The following APC2 variants were observed in gnomAD, a reference collection of about 807,000 sequenced individuals.
APC2 encodes the protein APC regulator of Wnt signaling pathway 2.
A neutral mutation model predicts 72.5 loss-of-function variants in APC2; 41 were observed. The ratio of observed to expected loss-of-function variants is 0.57; its 90% CI spans 0.44 to 0.73. APC2 has a LOEUF of 0.73. Ranked by LOEUF, APC2 falls within the 30% of genes least tolerant of loss-of-function variation. The pLI, the probability that APC2 is intolerant of heterozygous loss-of-function variation, is 0.00. For missense variants in APC2, 3,729 were observed against 3,403.4 expected (o/e 1.10, Z -2.38); for synonymous variants, 1,898 against 1,612.0 (o/e 1.18, Z -4.25).
In APC2 at chr19:1,469,950, G is replaced by A. The variant is rs778823095; in HGVS notation, c.6649G>A (p.Ala2217Thr). 2.0e-6 allele frequency: 3 copies of A among 1,511,438 alleles called. No homozygotes were observed. The highest frequency in any genetic ancestry group is 2.5e-5 in the South Asian group (2 of 81,526). The allele number at this position is 1,511,438 out of a possible 1,614,324, so 93.6% of individuals were successfully genotyped here. A position where few individuals can be genotyped will look rare whatever the true frequency, so the allele number is the denominator to read the frequency against. ...PSLETREPPG[A>T]PAGGQLSLLG... The stretch of plus-strand genomic sequence containing the variant: ...CCTGGAGACCAGGGAGCCCCCCGGG[G>A]CCCCCGCCGGCGGCCAGCTCTCCCT... The change falls in exon 15 of 15, where the codon GCC becomes ACC. Residue 2217 changes from alanine (A) to threonine (T), a missense_variant. Coordinates refer to ENST00000590469, the MANE Select transcript of APC2 (RefSeq NM_005883.3).
upstream of APC2, among the ~76,000 whole-genome samples, chr19:1,446,575 G>T (rs897203042): frequency 1.3e-5 from 2 of 151,796 alleles, no homozygotes; most frequent in African/African-American, 4.8e-5. The surrounding 1 kb of genome is among the most constrained non-coding windows in gnomAD (Gnocchi z 6.1). Flanking sequence ...CCCCAGCCCC[G>T]GGTCTGCGCA....
At position 1,466,558 on chromosome 19, in the gene APC2, A is replaced by G. The variant is rs2084019395; in HGVS notation, c.3257A>G (p.Glu1086Gly). The change falls in exon 15 of 15, where the codon GAG becomes GGG. Residue 1086 changes from glutamate to glycine, a missense_variant. Glu to Gly is a moderately conservative substitution (Grantham distance 98). Transcript: ENST00000590469. ...TCGGCCGGCCGCCCAGGCCCCAGCGAGGGTGGTGACCTGGATGACAGTGAC... is the reference window on the plus strand; with the variant it reads ...TCGGCCGGCCGCCCAGGCCCCAGCGGGGGTGGTGACCTGGATGACAGTGAC... Reference protein sequence around the residue: ...LSSAGRPGPSEGGDLDDSDSS... With the variant: ...LSSAGRPGPSGGGDLDDSDSS... The G allele has an allele frequency of 6.3e-7, 1 of 1,582,004 alleles. No individual in the cohort carries two copies. Among genetic ancestry groups the G allele is most frequent in the East Asian group, 2.3e-5 (1 of 44,048 alleles).
rs166452 is a variant in APC2 at position 1,469,531 on chromosome 19, C to G, written c.6230C>G (p.Thr2077Ser). 0.073 allele frequency: 87,363 copies of G among 1,189,046 alleles called. 10,524 individuals carry two copies. Among genetic ancestry groups the G allele is most frequent in the African/African-American group, 0.54 (32,411 of 60,564 alleles). The allele number at this position is 1,189,046 out of a possible 1,614,324, so 73.7% of individuals were successfully genotyped here. The change falls in exon 15 of 15, where the codon ACC becomes AGC. Residue 2077 changes from threonine (T) to serine (S), a missense_variant. Coordinates refer to ENST00000590469, the MANE Select transcript of APC2 (RefSeq NM_005883.3). ...SPGERPARRT[T>S]SESPSRLPVR... is the part of the protein sequence containing the mutation. ...GGCGAGCGCCCTGCCCGGCGCACCA[C>G]CTCCGAGAGCCCGTCCCGCCTGCCT...
chr19:1,456,192 C>G (rs759232120), intron 7 of APC2, 39 bp downstream of exon 7: 2 of 1,559,032 alleles, frequency 1.3e-6, no homozygotes, highest in Admixed American at 1.9e-5. Flanking sequence ...GGGGTGGTGT[C>G]GGCCCAGGCA....
At position 1,466,253 on chromosome 19, in the gene APC2, C is replaced by G. The variant is rs10413634; in HGVS notation, c.2952C>G (p.Thr984=). 6.5e-7 allele frequency: 1 copy of G among 1,533,476 alleles called. No individual in the cohort carries two copies. The highest frequency in any genetic ancestry group is 1.2e-5 in the South Asian group (1 of 83,008). 95.0% of individuals were successfully genotyped at this position (1,533,476 alleles called of 1,614,324 possible). Residue 984 remains threonine (T), a synonymous_variant, in exon 15 of 15, where the codon ACC becomes ACG. Transcript: ENST00000590469. ...CQAEPPAREA[T]SADARVRTIK... ...CCGAGCCCCCGGCCCGCGAGGCCAC[C>G]TCCGCCGACGCCCGCGTGCGCACCA...
rs771184037 is a variant in APC2, at chr19:1,468,592, G to A, written c.5291G>A (p.Ser1764Asn). The part of the protein sequence containing the change: ...RGAASVKTSG[S>N]PRSPAGPEKP... ...GCAGCCTCAGTCAAGACCAGCGGGA[G>A]CCCCCGTTCCCCTGCAGGCCCCGAG... Residue 1764 changes from serine (S) to asparagine (N), a missense_variant, in exon 15 of 15, where the codon AGC becomes AAC. Physicochemically the swap from Ser to Asn is conservative, Grantham distance 46. Transcript: ENST00000590469. 29 of 1,599,988 alleles carry A rather than the reference G, an allele frequency of 1.8e-5. No homozygotes were observed. Among genetic ancestry groups the A allele is most frequent in the Non-Finnish European group, 2.4e-5 (28 of 1,171,612 alleles).
rs1188154676 is a variant in APC2 at position 1,467,689 on chromosome 19, C to T, written c.4388C>T (p.Ala1463Val). ...TCTCGGGGCGCGGGCAAGAACAGAG[C>T]AGGGCTGGAGCTGCCCCTGGGCCGG... is the stretch of plus-strand genomic sequence containing the variant. ...EQSRGAGKNRAGLELPLGRPP... is the reference protein window; with the variant it reads ...EQSRGAGKNRVGLELPLGRPP... Residue 1463 changes from alanine to valine, a missense_variant, in exon 15 of 15, where the codon GCA becomes GTA. Transcript: ENST00000590469. The T allele has an allele frequency of 6.8e-7, 1 of 1,470,744 alleles. No individual in the cohort carries two copies. The highest frequency in any genetic ancestry group is 8.9e-7 in the Non-Finnish European group (1 of 1,119,310). 91.1% of individuals were successfully genotyped at this position (1,470,744 alleles called of 1,614,324 possible). A position where few individuals can be genotyped will look rare whatever the true frequency, so the allele number is the denominator to read the frequency against.
Position 1,465,647 on chromosome 19 carries a change from T to C in APC2, c.2346T>C (p.Asp782=). 1 of 1,603,594 alleles carries C rather than the reference T, an allele frequency of 6.2e-7. No homozygotes were observed. The change falls in exon 15 of 15, where the codon GAT becomes GAC. Residue 782 remains aspartate (D), a synonymous_variant. Transcript: ENST00000590469. ...ATTCGGGCTGCTTTGACGACGACGA[T>C]GCACCGTCATCCCTGGCTGCGGCCG... ...ASDSGCFDDD[D]APSSLAAAAA...
intron 12 of APC2, 67 bp downstream of exon 12, chr19:1,460,924 G>A (rs2083912802): frequency 6.3e-7 from 1 of 1,595,240 alleles, no homozygotes; most frequent in Non-Finnish European, 8.6e-7. Flanking sequence ...CTCCCCAGCG[G>A]TGTGGTGGGC....
In APC2 at chr19:1,468,326, G is replaced by C. The variant is rs760808754; in HGVS notation, c.5025G>C (p.Ser1675=). 3.4e-4 allele frequency: 534 copies of C among 1,553,904 alleles called. 1 individual carries two copies. Among genetic ancestry groups the C allele is most frequent in the Middle Eastern group, 1.8e-4 (1 of 5,498 alleles). Residue 1675 remains serine (S), a synonymous_variant, in exon 15 of 15, where the codon TCG becomes TCC. Coordinates refer to ENST00000590469, the MANE Select transcript of APC2 (RefSeq NM_005883.3). ...SRERGEEAAG[S]DRASDLDSVE... is the part of the protein sequence containing the mutation. Reference sequence around the variant, plus strand: ...AACGCGGCGAGGAGGCAGCGGGCTCGGACCGGGCCTCCGACCTGGATAGCG... The same window carrying C: ...AACGCGGCGAGGAGGCAGCGGGCTCCGACCGGGCCTCCGACCTGGATAGCG...
chr19:1,467,528 G>C lies in APC2; in HGVS notation c.4227G>C (p.Glu1409Asp). Reference sequence around the variant, plus strand: ...CTAGCGCCGCCTCGCTCAGCGACGAGACGCTGCAGGGACCCCCCAGGGACC... The same window carrying C: ...CTAGCGCCGCCTCGCTCAGCGACGACACGCTGCAGGGACCCCCCAGGGACC... Reference protein sequence around the residue: ...NFSSAASLSDETLQGPPRDQP... With the variant: ...NFSSAASLSDDTLQGPPRDQP... Residue 1409 changes from glutamate (E) to aspartate (D), a missense_variant, in exon 15 of 15, where the codon GAG becomes GAC. Transcript: ENST00000590469. 1 of 1,475,432 alleles carries C rather than the reference G, an allele frequency of 6.8e-7. No individual in the cohort carries two copies. The highest frequency in any genetic ancestry group is 1.3e-5 in the South Asian group (1 of 77,040). 91.4% of individuals were successfully genotyped at this position (1,475,432 alleles called of 1,614,324 possible).
upstream of APC2, among the ~76,000 whole-genome samples, chr19:1,449,947 G>A (rs1307495593): frequency 6.6e-6 from 1 of 152,084 alleles, no homozygotes; most frequent in Non-Finnish European, 1.5e-5. Context: ...CCCTCGGGGG[G>A]GTTTCGCCCC....
chr19:1,465,899 C>A lies in APC2; in HGVS notation c.2598C>A (p.Thr866=). The part of the protein sequence containing the change: ...QLVEDISALH[T]SSDDSFSLSS... ...TGGAGGACATCTCCGCCCTGCACAC[C>A]TCGTCCGACGATAGCTTCAGCCTCA... Residue 866 remains threonine (T), a synonymous_variant, in exon 15 of 15, where the codon ACC becomes ACA. Transcript: ENST00000590469. The A allele has an allele frequency of 6.3e-7, 1 of 1,577,478 alleles. No individual in the cohort carries two copies. The highest frequency in any genetic ancestry group is 8.6e-7 in the Non-Finnish European group (1 of 1,166,440).
chr19:1,453,298 G>A lies in APC2; in HGVS notation c.193G>A (p.Val65Met), dbSNP rs1289095960. The change falls in exon 3 of 15, where the codon GTG (valine) becomes ATG (methionine). Residue 65 changes from valine to methionine, a missense_variant. By Grantham distance (21) the Val-to-Met change is conservative. Coordinates refer to ENST00000590469, the MANE Select transcript of APC2 (RefSeq NM_005883.3). Reference protein sequence around the residue: ...GKLEQEARVLVSSGQTEVLEQ... With the variant: ...GKLEQEARVLMSSGQTEVLEQ... ...ACTGGAGCAGGAGGCCCGAGTGCTG[G>A]TGTCCTCGGGGCAGACGGAGGTGCT... 1 of 1,587,990 alleles carries A rather than the reference G, an allele frequency of 6.3e-7. No individual in the cohort carries two copies. The highest frequency in any genetic ancestry group is 8.6e-7 in the Non-Finnish European group (1 of 1,167,100).
At chr19:1,455,603 T>A in intron 6 of APC2, 103 bp downstream of exon 6, 1 of 1,130,114 alleles carries the variant, frequency 8.8e-7, no homozygotes, top group Non-Finnish European at 1.3e-6. Flanking sequence ...ATGGGAGGAG[T>A]CTTATGCCTC....
upstream of APC2, chr19:1,446,254 C>T (rs1016921819): frequency 2.5e-5 from 25 of 984,378 alleles, no homozygotes; most frequent in African/African-American, 4.2e-4. This position sits in a 1 kb window ranked among gnomAD's most constrained non-coding sequence, Gnocchi z 6.1. Context: ...CGCCGAGGGG[C>T]GGGGCGCGGC....
chr19:1,457,942 T>C, intron 9 of APC2, 23 bp from the exon 10 acceptor site: 1 of 1,532,164 alleles, frequency 6.5e-7, no homozygotes, highest in South Asian at 1.2e-5. Context: ...ATGGGGGCTC[T>C]GATCTGGTCC....
rs1421087403 is a variant in APC2, at chr19:1,457,978, C to T, written c.1221C>T (p.Ile407=). 5.1e-6 allele frequency: 8 copies of T among 1,558,600 alleles called. No homozygotes were observed. The highest frequency in any genetic ancestry group is 2.7e-5 in the African/African-American group (2 of 73,694). Residue 407 remains isoleucine (I), a synonymous_variant, in exon 10 of 15, where the codon ATC becomes ATT. Coordinates refer to ENST00000590469, the MANE Select transcript of APC2 (RefSeq NM_005883.3). ...GGGAGSAPIP[I]EPQICQATCA... ...CTGTGCCCACAGCCCCGATCCCCAT[C>T]GAGCCGCAGATCTGCCAGGCCACCT...
At chr19:1,455,997 G>T in intron 6 of APC2, 79 bp from the exon 7 acceptor site, 1 of 1,317,236 alleles carries the variant, frequency 7.6e-7, no homozygotes, top group Non-Finnish European at 1.0e-6. Context: ...GCCCAGGGTG[G>T]GGTCATCCCA....
Sources: allele counts gnomAD v4.1 joint callset (sites outside exome capture counted in the v4.1 genomes callset), GRCh38; gene constraint gnomAD v4.1.1; non-coding constraint Gnocchi (gnomAD v3.1); transcripts MANE v1.5; gene names NCBI Gene and HGNC (gene_info 2026-07-23, HGNC 2026-07-21).